Variants in SPATA13 observed in about 807,000 individuals in gnomAD.
SPATA13 encodes the protein spermatogenesis associated 13.
Under a neutral mutation model 104.0 loss-of-function variants are expected in SPATA13, and 50 were observed. The ratio of observed to expected loss-of-function variants is 0.48; its 90% CI spans 0.38 to 0.61. SPATA13 has a LOEUF of 0.61. Among genes scored for constraint, SPATA13 ranks in the 20% least tolerant of loss-of-function variants. The pLI is 0.00. For synonymous variants in SPATA13, 606 were observed against 667.5 expected (o/e 0.91, Z 1.42); for missense variants, 1,524 against 1,690.6 (o/e 0.90, Z 1.73).
chr13:24,114,799 A>G (rs2137817254), intron 3 of SPATA13, among the ~76,000 whole-genome samples: 1 of 152,246 alleles, frequency 6.6e-6, no homozygotes, highest in African/African-American at 2.4e-5. Context: ...AGTAGCTGAA[A>G]ATACAAGCAT....
intron 2 of SPATA13, among the ~76,000 whole-genome samples, chr13:24,017,224 C>G (rs887220675): frequency 6.6e-6 from 1 of 152,352 alleles, no homozygotes; most frequent in Admixed American, 6.5e-5. Context: ...AGGCACTGCT[C>G]TGAGACGATA....
intron 3 of SPATA13, among the ~76,000 whole-genome samples, chr13:24,085,749 C>G (rs1196200713): frequency 6.6e-6 from 1 of 152,230 alleles, no homozygotes; most frequent in Non-Finnish European, 1.5e-5. Context: ...ACTCAGCCAG[C>G]CTCTGTGGGA....
intron 2 of SPATA13, among the ~76,000 whole-genome samples, chr13:23,998,852 T>C (rs1347461983): frequency 6.6e-6 from 1 of 152,210 alleles, no homozygotes; most frequent in Non-Finnish European, 1.5e-5. Context: ...TTGAATTATC[T>C]TTGCATTTTC....
rs549827051 is a variant in SPATA13 at position 24,121,422 on chromosome 13, A to G, written c.-111-101397A>G. Among the ~76,000 whole-genome samples the G allele has an allele frequency of 4.6e-5, 7 of 152,328 alleles. No homozygotes were observed. The South Asian group carries it at 1.2e-3, about 27-fold the overall frequency. ...CAGCAAACATTTTGCTATTTTATAC[A>G]TAGGCTAGCAGGCTTGTTTCAATAT... On this transcript the variant is annotated intron_variant, in intron 3 of 14. Coordinates refer to the SPATA13 transcript ENST00000424834.
chr13:24,282,077 T>C (rs922789935), intron 4 of SPATA13, among the ~76,000 whole-genome samples: 2 of 151,974 alleles, frequency 1.3e-5, no homozygotes, highest in East Asian at 3.9e-4. Flanking sequence ...TTTACAGAAT[T>C]GGTTGCTTGT....
chr13:24,041,024 A>G (rs1593294336), intron 3 of SPATA13, among the ~76,000 whole-genome samples: 1 of 152,342 alleles, frequency 6.6e-6, no homozygotes, highest in East Asian at 1.9e-4. Flanking sequence ...GTGGACAAGC[A>G]CAATTAAGGC....
At chr13:24,145,387 A>G (rs1881896195) in intron 3 of SPATA13, among the ~76,000 whole-genome samples, 1 of 152,230 alleles carries the variant, frequency 6.6e-6, no homozygotes, top group Non-Finnish European at 1.5e-5. Context: ...GGGGCTTTGA[A>G]CAAGGTTTAA....
At position 24,285,422 on chromosome 13, in the gene SPATA13, A is replaced by G. The variant is rs577357893; in HGVS notation, c.2302-792A>G. ...GCCAGAAACCATTTTTGGAGCAAAT[A>G]TTTCAGAATTCAAGTTTGCTAGATA... On this transcript the variant is annotated intron_variant, in intron 5 of 12. Transcript: ENST00000382108. Among the ~76,000 whole-genome samples the G allele has an allele frequency of 2.6e-5, 4 of 152,198 alleles. No homozygotes were observed. The South Asian group carries it at 8.3e-4, about 32-fold the overall frequency.
At chr13:24,044,017 A>G (rs952731157) in intron 3 of SPATA13, among the ~76,000 whole-genome samples, 3 of 152,084 alleles carry the variant, frequency 2.0e-5, no homozygotes, top group Admixed American at 6.5e-5. Flanking sequence ...TGCTTTTCAC[A>G]GGGTGCTCTG....
chr13:24,280,627 G>A (rs920236566), intron 4 of SPATA13, among the ~76,000 whole-genome samples: 8 of 152,060 alleles, frequency 5.3e-5, no homozygotes, highest in Non-Finnish European at 1.0e-4. Context: ...CAGACTTTGT[G>A]TATATGCTCC....
intron 2 of SPATA13, among the ~76,000 whole-genome samples, chr13:24,237,289 G>A (rs1405769440): frequency 6.6e-6 from 1 of 152,174 alleles, no homozygotes; most frequent in Non-Finnish European, 1.5e-5. Context: ...CTTGAACCCA[G>A]GGGGTGGAGG....
chr13:24,114,523 C>T (rs1370728532), intron 3 of SPATA13, among the ~76,000 whole-genome samples: 1 of 152,196 alleles, frequency 6.6e-6, no homozygotes, highest in Non-Finnish European at 1.5e-5. Flanking sequence ...GCATCTCAGG[C>T]TGTCAACTGG....
chr13:24,038,342 G>A (rs942939168), intron 3 of SPATA13, among the ~76,000 whole-genome samples: 1 of 138,774 alleles, frequency 7.2e-6, no homozygotes. Context: ...GTGCCAGGGG[G>A]CTTTAGTTCC....
chr13:24,249,878 G>T, intron 3 of SPATA13, 36 bp downstream of exon 3: 2 of 1,543,588 alleles, frequency 1.3e-6, no homozygotes, highest in Non-Finnish European at 1.7e-6. Context: ...AGCCAGCAGA[G>T]GCCCTCCAGC....
intron 2 of SPATA13, among the ~76,000 whole-genome samples, chr13:24,247,607 C>T (rs868390296): frequency 1.3e-5 from 2 of 151,648 alleles, no homozygotes; most frequent in South Asian, 2.1e-4. Context: ...CTCAGCCCCC[C>T]AAGTAGCTGG....
Position 24,303,677 on chromosome 13 carries a change from A to C in SPATA13, c.*904A>C, listed in dbSNP as rs1877374883. 1 of 152,924 alleles carries C rather than the reference A, an allele frequency of 6.5e-6. No homozygotes were observed. Among genetic ancestry groups the C allele is most frequent in the South Asian group, 2.0e-4 (1 of 4,894 alleles). The allele number at this position is 152,924 out of a possible 1,614,324, so 9.5% of individuals were successfully genotyped here. ...TCCCAGCACTTTGGGAGGCCAAGGC[A>C]GGTGGATCACCTGAGGTCAGGAGTT... On this transcript the variant is annotated 3_prime_UTR_variant, in exon 13 of 13. Transcript: ENST00000382108.
chr13:24,115,409 G>A (rs1399062957), intron 3 of SPATA13, among the ~76,000 whole-genome samples: 4 of 152,256 alleles, frequency 2.6e-5, no homozygotes, highest in Non-Finnish European at 4.4e-5. Context: ...ATTACTGCCT[G>A]AGCTCTGCCA....
chr13:24,026,630 TG>T (rs1877228041), intron 3 of SPATA13, among the ~76,000 whole-genome samples: 1 of 152,210 alleles, frequency 6.6e-6, no homozygotes, highest in African/African-American at 2.4e-5. Context: ...CAGGCCGGAG[TG>T]CAGTGGTGTG....
intron 3 of SPATA13, among the ~76,000 whole-genome samples, chr13:24,022,953 A>G (rs1288620125): frequency 6.6e-6 from 1 of 151,830 alleles, no homozygotes; most frequent in Admixed American, 6.6e-5. Flanking sequence ...TTTTATTATT[A>G]TTATACTTTA....
Sources: gnomAD v4.1 joint callset for allele counts (sites outside exome capture counted in the v4.1 genomes callset) on GRCh38, gnomAD v4.1.1 for gene constraint, MANE v1.5 for transcripts, NCBI Gene and HGNC (gene_info 2026-07-23, HGNC 2026-07-21) for gene names.